The following LRRC4C variants were observed in gnomAD, a reference collection of about 807,000 sequenced individuals.
The protein encoded by LRRC4C is leucine rich repeat containing 4C.
LRRC4C carries 5 observed loss-of-function variants against 33.6 expected under a neutral mutation model. The observed-to-expected ratio is 0.15, with a 90% CI of 0.08 to 0.31. The LOEUF is 0.31. Among genes scored for constraint, LRRC4C ranks in the 10% least tolerant of loss-of-function variants. The probability of loss-of-function intolerance (pLI) is 1.00; values close to 1 mark genes in which losing one functional copy is unlikely to be tolerated. For missense variants in LRRC4C, 560 were observed against 796.7 expected (o/e 0.70, Z 3.58); for synonymous variants, 329 against 302.0 (o/e 1.09, Z -0.93).
At chr11:40,427,120 T>C (rs1950746152) in intron 3 of LRRC4C, among the ~76,000 whole-genome samples, 1 of 152,148 alleles carries the variant, frequency 6.6e-6, no homozygotes, top group Admixed American at 6.6e-5. Context: ...AGCCTAGTAT[T>C]CATAATAATA....
At chr11:40,247,556 T>C (rs932994304) in intron 4 of LRRC4C, among the ~76,000 whole-genome samples, 2 of 152,218 alleles carry the variant, frequency 1.3e-5, no homozygotes, top group Non-Finnish European at 2.9e-5. Context: ...CTATCACTTA[T>C]CAAAAATCAC....
intron 3 of LRRC4C, 100 bp from the exon 4 acceptor site, chr11:40,319,821 T>A (rs767388275): frequency 6.6e-6 from 1 of 152,170 alleles, no homozygotes; most frequent in Non-Finnish European, 1.5e-5. Context: ...TCCCTCAATA[T>A]AATTTAGTAA....
chr11:41,416,329 A>G (rs1506710), intron 1 of LRRC4C, among the ~76,000 whole-genome samples: 2 of 151,938 alleles, frequency 1.3e-5, no homozygotes, highest in Non-Finnish European at 2.9e-5. Flanking sequence ...TGAGTGGTTC[A>G]TCTATCACTA....
chr11:40,910,203 T>G (rs1195433801), intron 2 of LRRC4C, among the ~76,000 whole-genome samples: 1 of 152,156 alleles, frequency 6.6e-6, no homozygotes, highest in African/African-American at 2.4e-5. Context: ...ATTGTGTACC[T>G]TCTCTGAGAT....
chr11:40,857,985 A>AAGGGAAAGGGACAGGGACAGGGAC (rs1340180050), intron 2 of LRRC4C, among the ~76,000 whole-genome samples: 4 of 120,368 alleles, frequency 3.3e-5, no homozygotes, highest in Admixed American at 1.7e-4. Flanking sequence ...GGGAAAGGGA[A>AAGGGAAAGGGACAGGGACAGGGAC]AGGGACAGGG....
At chr11:40,866,221 C>G (rs1197562523) in intron 2 of LRRC4C, among the ~76,000 whole-genome samples, 1 of 148,430 alleles carries the variant, frequency 6.7e-6, no homozygotes, top group Admixed American at 6.7e-5. Context: ...TTATTTCCCT[C>G]TATTTTTTTC....
chr11:40,374,359 C>A (rs938797120), intron 3 of LRRC4C, among the ~76,000 whole-genome samples: 6 of 152,068 alleles, frequency 3.9e-5, no homozygotes. Context: ...TCAGATACTG[C>A]GTTAGACTCT....
Position 40,972,548 on chromosome 11 carries a change from G to A in LRRC4C, c.-495-38825C>T, listed in dbSNP as rs551579056. 2.0e-3 allele frequency among the ~76,000 whole-genome samples: 304 copies of A among 152,242 alleles called. 5 individuals are homozygous for A. Among genetic ancestry groups the A allele is most frequent in the Non-Finnish European group, 4.9e-4 (33 of 68,032 alleles). ...ACTATAAAGAACTGTCCCAGACAGG[G>A]TAGTTTATAAAGGAAATAGGTTTAA... On this transcript the variant is annotated intron_variant, in intron 1 of 6. Transcript: ENST00000528697.
chr11:41,126,050 C>T (rs1307495901), intron 1 of LRRC4C, among the ~76,000 whole-genome samples: 1 of 151,956 alleles, frequency 6.6e-6, no homozygotes, highest in Non-Finnish European at 1.5e-5. Context: ...CCAAGTACTA[C>T]TTAATTAGTA....
chr11:40,965,929 G>A (rs1367237765), intron 1 of LRRC4C, among the ~76,000 whole-genome samples: 6 of 152,020 alleles, frequency 3.9e-5, no homozygotes, highest in Non-Finnish European at 5.9e-5. Flanking sequence ...GCTTGATGGG[G>A]ATGTCCTTGA....
rs533179162 is a variant in LRRC4C at position 41,064,120 on chromosome 11, T to G, written c.-495-130397A>C. 2.0e-5 allele frequency among the ~76,000 whole-genome samples: 3 copies of G among 152,360 alleles called. No individual in the cohort carries two copies. The South Asian group carries it at 6.2e-4, about 32-fold the overall frequency. On this transcript the variant is annotated intron_variant, in intron 1 of 6. Transcript: ENST00000528697. ...AAAAAAGTGATTCTTAATTTTTAAT[T>G]GCTTGAAACACTTACAACTAATTAT...
At chr11:40,261,053 A>T (rs1459804022) in intron 4 of LRRC4C, among the ~76,000 whole-genome samples, 1 of 151,918 alleles carries the variant, frequency 6.6e-6, no homozygotes, top group East Asian at 1.9e-4. Context: ...GCTAATTTTT[A>T]AACTTTTGTT....
chr11:40,355,082 C>A (rs543544179), intron 3 of LRRC4C, among the ~76,000 whole-genome samples: 1 of 152,216 alleles, frequency 6.6e-6, no homozygotes, highest in African/African-American at 2.4e-5. Flanking sequence ...CTGGGCCCTT[C>A]TTTTCAGGGC....
At chr11:40,670,155 T>G (rs1944017678) in intron 2 of LRRC4C, among the ~76,000 whole-genome samples, 1 of 152,188 alleles carries the variant, frequency 6.6e-6, no homozygotes, top group Admixed American at 6.5e-5. Flanking sequence ...GTTGTACATC[T>G]CAGGAGTGGA....
intron 1 of LRRC4C, among the ~76,000 whole-genome samples, chr11:41,125,099 C>T (rs959496336): frequency 2.6e-5 from 4 of 152,070 alleles, no homozygotes; most frequent in African/African-American, 9.7e-5. Flanking sequence ...TATATAGCCC[C>T]ACCCAGAATT....
intron 1 of LRRC4C, among the ~76,000 whole-genome samples, chr11:41,279,358 A>G (rs1949581945): frequency 7.1e-6 from 1 of 141,462 alleles, no homozygotes; most frequent in Non-Finnish European, 1.5e-5. Flanking sequence ...CTCTCATTCC[A>G]TCCCATCACA....
intron 2 of LRRC4C, among the ~76,000 whole-genome samples, chr11:40,665,018 T>C (rs1943644880): frequency 6.8e-6 from 1 of 146,204 alleles, no homozygotes; most frequent in African/African-American, 2.5e-5. Flanking sequence ...AGTGAGAAAA[T>C]GCGGTGTTTG....
chr11:40,927,536 A>C (rs1957452486), intron 2 of LRRC4C, among the ~76,000 whole-genome samples: 1 of 152,152 alleles, frequency 6.6e-6, no homozygotes, highest in Non-Finnish European at 1.5e-5. Context: ...TGAGTACATA[A>C]AGAATAGCTA....
intron 3 of LRRC4C, among the ~76,000 whole-genome samples, chr11:40,377,439 T>C (rs1948704488): frequency 6.6e-6 from 1 of 152,174 alleles, no homozygotes; most frequent in South Asian, 2.1e-4. Context: ...GTTACTTGCC[T>C]ATGTTTCAAT....
Sources: allele counts gnomAD v4.1 joint callset (sites outside exome capture counted in the v4.1 genomes callset), GRCh38; gene constraint gnomAD v4.1.1; transcripts MANE v1.5; gene names NCBI Gene and HGNC (gene_info 2026-07-23, HGNC 2026-07-21).